The following RB1CC1 variants were observed in gnomAD, a reference collection of about 807,000 sequenced individuals.
RB1CC1 encodes RB1 inducible coiled-coil 1.
RB1CC1 carries 46 observed loss-of-function variants against 177.5 expected under a neutral mutation model. The ratio of observed to expected loss-of-function variants is 0.26; its 90% CI spans 0.20 to 0.33. RB1CC1 has a LOEUF of 0.33. Among genes scored for constraint, RB1CC1 ranks in the 10% least tolerant of loss-of-function variants. The probability of loss-of-function intolerance (pLI) is 1.00; values close to 1 mark genes in which losing one functional copy is unlikely to be tolerated. For missense variants in RB1CC1, 1,703 were observed against 1,816.3 expected, an observed-to-expected ratio of 0.94 and a Z score of 1.13; for synonymous variants, 666 against 613.6, an observed-to-expected ratio of 1.09 and a Z score of -1.26.
intron 22 of RB1CC1, among the ~76,000 whole-genome samples, chr8:52,626,574 T>C (rs1252644723): frequency 2.0e-5 from 3 of 152,186 alleles, no homozygotes; most frequent in East Asian, 1.9e-4. Context: ...CTTTGTACTA[T>C]ATTAATCTTT....
At chr8:52,658,842 T>A (rs780081748) in intron 13 of RB1CC1, 31 bp downstream of exon 13, 1 of 1,457,534 alleles carries the variant, frequency 6.9e-7, no homozygotes, top group East Asian at 2.4e-5. Flanking sequence ...TTTAAGGTTA[T>A]AAATTAACTG....
At chr8:52,664,973 A>G (rs1233148296) in intron 8 of RB1CC1, among the ~76,000 whole-genome samples, 2 of 152,112 alleles carry the variant, frequency 1.3e-5, no homozygotes, top group African/African-American at 4.8e-5. Flanking sequence ...ATACTGAGAG[A>G]TTAAGGGGAG....
At chr8:52,667,850 A>G (rs73595494) in intron 8 of RB1CC1, among the ~76,000 whole-genome samples, 171 bp downstream of exon 8, 2,842 of 152,336 alleles carry the variant, frequency 0.019, 95 homozygotes, top group African/African-American at 0.066. Context: ...TAGGAAACTC[A>G]ATCATTAAGA....
chr8:52,668,713 A>G (rs915610049), intron 7 of RB1CC1, among the ~76,000 whole-genome samples: 1 of 152,162 alleles, frequency 6.6e-6, no homozygotes, highest in African/African-American at 2.4e-5. Flanking sequence ...CATGGAACCT[A>G]TAAAATTTTC....
At chr8:52,694,493 TTACATTAAACATCTA>T in intron 1 of RB1CC1, among the ~76,000 whole-genome samples, 1 of 152,298 alleles carries the variant, frequency 6.6e-6, no homozygotes, top group Non-Finnish European at 1.5e-5. Context: ...TTCTCTCTTA[TTACATTAAACATCTA>T]TACATCATAG....
intron 1 of RB1CC1, among the ~76,000 whole-genome samples, chr8:52,703,079 GTTTC>G (rs567647127): frequency 2.5e-4 from 38 of 151,354 alleles, no homozygotes; most frequent in Non-Finnish European, 5.0e-4. Context: ...ATTTTCAGCA[GTTTC>G]TTTATCAGCC....
chr8:52,659,825 C>G (rs780618288), intron 12 of RB1CC1, among the ~76,000 whole-genome samples: 6 of 152,080 alleles, frequency 3.9e-5, no homozygotes, highest in Non-Finnish European at 5.9e-5. Context: ...GGTGAAACCC[C>G]GTCTCTACTA....
rs1856434653 is a variant in RB1CC1 at position 52,705,100 on chromosome 8, T to G, written c.-167+8975A>C. Among the ~76,000 whole-genome samples, 3 of 152,186 alleles carry G rather than the reference T, an allele frequency of 2.0e-5. No homozygotes were observed. In the South Asian group the frequency reaches 6.2e-4, roughly 31 times the overall value. Reference sequence around the variant, plus strand: ...GCCTACCATATATACTGAGACTTCGTAGGACAGAACAACTGTCAAAACATG... The same window carrying G: ...GCCTACCATATATACTGAGACTTCGGAGGACAGAACAACTGTCAAAACATG... On this transcript the variant is annotated intron_variant, in intron 1 of 23. Coordinates refer to ENST00000025008, the MANE Select transcript of RB1CC1 (RefSeq NM_014781.5).
At chr8:52,708,666 G>T (rs999208669) in intron 1 of RB1CC1, among the ~76,000 whole-genome samples, 3 of 152,122 alleles carry the variant, frequency 2.0e-5, no homozygotes, top group African/African-American at 7.2e-5. Flanking sequence ...AAGGTAGCAG[G>T]AATTCTCTTA....
At chr8:52,680,221 C>A (rs1226158636) in intron 5 of RB1CC1, among the ~76,000 whole-genome samples, 2 of 152,106 alleles carry the variant, frequency 1.3e-5, no homozygotes, top group Non-Finnish European at 2.9e-5. Context: ...TAACCAAATT[C>A]TTTTCCTAAG....
chr8:52,635,290 T>C (rs1320618174), intron 19 of RB1CC1, among the ~76,000 whole-genome samples: 3 of 152,184 alleles, frequency 2.0e-5, no homozygotes, highest in Non-Finnish European at 4.4e-5. Flanking sequence ...CCTAAGAGAA[T>C]ACATCTGGCA....
Position 52,657,701 on chromosome 8 carries a change from T to C in RB1CC1, c.2128A>G (p.Ile710Val), listed in dbSNP as rs768507959. ...GAAACTTGGTGAATAGTCTGTTCTA[T>C]GTTTGGATGGGGAATAGTTTCAAAA... ...FDFETIPHPN[I>V]EQTIHQVSLD... is the part of the protein sequence containing the mutation. The change falls in exon 15 of 24, where the codon ATA becomes GTA. Residue 710 changes from isoleucine (I) to valine (V), a missense_variant. By Grantham distance (29) the Ile-to-Val change is conservative. Coordinates refer to ENST00000025008, the MANE Select transcript of RB1CC1 (RefSeq NM_014781.5). 9.3e-6 allele frequency: 15 copies of C among 1,614,036 alleles called. No individual in the cohort carries two copies. The highest frequency in any genetic ancestry group is 6.7e-5 in the East Asian group (3 of 44,878).
At chr8:52,673,363 A>G (rs1419905173) in intron 7 of RB1CC1, among the ~76,000 whole-genome samples, 2 of 152,168 alleles carry the variant, frequency 1.3e-5, no homozygotes, top group Non-Finnish European at 2.9e-5. Context: ...ATACAAGCTC[A>G]CTATAACTAT....
At chr8:52,698,428 T>C (rs1855653153) in intron 1 of RB1CC1, among the ~76,000 whole-genome samples, 1 of 151,786 alleles carries the variant, frequency 6.6e-6, no homozygotes, top group African/African-American at 2.4e-5. Flanking sequence ...GTTCACGCCA[T>C]TCTCTCGCCT....
rs755909300 is a variant in RB1CC1 at position 52,660,906 on chromosome 8, AATT to A, written c.1627+17_1627+19del. 2 of 1,580,066 alleles carry A rather than the reference AATT, an allele frequency of 1.3e-6. No homozygotes were observed. Among genetic ancestry groups the A allele is most frequent in the Non-Finnish European group, 1.7e-6 (2 of 1,157,106 alleles). ...TTTTATCCTTTACAAAAGTAATTAA[AATT>A]ATTAATGAACACTTACTAAATAATT... On this transcript the variant is annotated intron_variant, in intron 11 of 23. Transcript: ENST00000025008.
intron 7 of RB1CC1, among the ~76,000 whole-genome samples, chr8:52,668,554 G>T (rs369454493): frequency 2.0e-5 from 3 of 151,774 alleles, no homozygotes; most frequent in Admixed American, 6.6e-5. Context: ...AAACTTCTTC[G>T]GCAAATTTAT....
At chr8:52,711,547 A>T (rs1857063081) in intron 1 of RB1CC1, among the ~76,000 whole-genome samples, 1 of 152,218 alleles carries the variant, frequency 6.6e-6, no homozygotes, top group Admixed American at 6.5e-5. Context: ...ATATATATAC[A>T]TAGACAGATA....
In RB1CC1 at chr8:52,657,572, C is replaced by A. The variant is rs1477321329; in HGVS notation, c.2257G>T (p.Asp753Tyr). ...ENLSSPNPIS[D>Y]PQSPEMMVES... Reference sequence around the variant, plus strand: ...ACCATCATTTCTGGGCTTTGTGGATCACTTATAGGATTAGGAGACGACAAA... The same window carrying A: ...ACCATCATTTCTGGGCTTTGTGGATAACTTATAGGATTAGGAGACGACAAA... Residue 753 changes from aspartate to tyrosine, a missense_variant, in exon 15 of 24, where the codon GAT becomes TAT. Asp to Tyr is a radical substitution (Grantham distance 160). Transcript: ENST00000025008. The A allele has an allele frequency of 6.2e-7, 1 of 1,613,912 alleles. No individual in the cohort carries two copies. Among genetic ancestry groups the A allele is most frequent in the Non-Finnish European group, 8.5e-7 (1 of 1,180,018 alleles).
intron 15 of RB1CC1, among the ~76,000 whole-genome samples, chr8:52,650,134 T>C (rs1303410866): frequency 6.6e-6 from 1 of 152,248 alleles, no homozygotes; most frequent in Non-Finnish European, 1.5e-5. Context: ...CTGGCATATG[T>C]AGAACCAAGT....
Sources: allele counts gnomAD v4.1 joint callset (sites outside exome capture counted in the v4.1 genomes callset), GRCh38; gene constraint gnomAD v4.1.1; transcripts MANE v1.5; gene names NCBI Gene and HGNC (gene_info 2026-07-23, HGNC 2026-07-21).